The following EYA1 variants were observed in gnomAD, a reference collection of about 807,000 sequenced individuals.
EYA1 encodes the protein protein phosphatase EYA1.
A neutral mutation model predicts 82.0 loss-of-function variants in EYA1; 16 were observed. That is an observed-to-expected ratio of 0.20 (90% CI 0.13 to 0.30). The LOEUF (loss-of-function observed/expected upper bound fraction) is 0.30, where lower values mean the gene tolerates loss of function less well. EYA1 is among the 10% of genes least tolerant of loss of function. EYA1 has a pLI of 1.00. For synonymous variants in EYA1, 261 were observed against 264.4 expected (o/e 0.99, Z 0.12); for missense variants, 633 against 730.7 (o/e 0.87, Z 1.54).
intron 9 of EYA1, among the ~76,000 whole-genome samples, chr8:71,280,375 T>G (rs1383650339): frequency 6.6e-6 from 1 of 152,198 alleles, no homozygotes; most frequent in Non-Finnish European, 1.5e-5. Flanking sequence ...CAATGAACAC[T>G]TAGATTTTCT....
chr8:71,266,564 G>C (rs1444635586), intron 11 of EYA1, among the ~76,000 whole-genome samples: 1 of 152,144 alleles, frequency 6.6e-6, no homozygotes, highest in African/African-American at 2.4e-5. Flanking sequence ...GACACCTCCA[G>C]GCAATGAGAC....
At chr8:71,386,510 G>A (rs1828973604) in intron 2 of EYA1, among the ~76,000 whole-genome samples, 1 of 152,150 alleles carries the variant, frequency 6.6e-6, no homozygotes, top group Non-Finnish European at 1.5e-5. Flanking sequence ...ACACTGTATG[G>A]ACCAACATTG....
At chr8:71,242,773 CTTTTTTTT>C (rs35413533) in intron 12 of EYA1, among the ~76,000 whole-genome samples, 3 of 117,656 alleles carry the variant, frequency 2.5e-5, no homozygotes, top group Admixed American at 8.8e-5. Flanking sequence ...AGTTTTGGCA[CTTTTTTTT>C]TTTTTTTTTT....
chr8:71,256,426 T>C (rs1285092883), intron 11 of EYA1, among the ~76,000 whole-genome samples: 1 of 152,160 alleles, frequency 6.6e-6, no homozygotes, highest in Non-Finnish European at 1.5e-5. Context: ...CTTGAGGACC[T>C]TGTCCTGAGT....
At chr8:71,219,187 C>T (rs959286746) in intron 12 of EYA1, among the ~76,000 whole-genome samples, 5 of 152,116 alleles carry the variant, frequency 3.3e-5, no homozygotes, top group Admixed American at 1.3e-4. Flanking sequence ...ACGTTTTGTT[C>T]CCAGGCTGAG....
intron 7 of EYA1, 126 bp from the exon 8 acceptor site, chr8:71,299,846 T>C: frequency 1.5e-6 from 1 of 678,972 alleles, no homozygotes. Flanking sequence ...TCTGTTGTCA[T>C]GTCTAAAATG....
At chr8:71,243,155 A>G (rs1196048909) in intron 12 of EYA1, among the ~76,000 whole-genome samples, 6 of 152,222 alleles carry the variant, frequency 3.9e-5, no homozygotes, top group Non-Finnish European at 8.8e-5. Context: ...GATGTTTGTT[A>G]TTAACACCTA....
At chr8:71,448,820 T>C (rs538065214) in intron 2 of EYA1, 2 of 166,324 alleles carry the variant, frequency 1.2e-5, no homozygotes, top group South Asian at 1.9e-4. Flanking sequence ...TAAAAAGTGT[T>C]TCCTTTCCTA....
chr8:71,410,059 T>A (rs895181150), intron 2 of EYA1, among the ~76,000 whole-genome samples: 45 of 152,108 alleles, frequency 3.0e-4, no homozygotes, highest in African/African-American at 1.1e-3. Context: ...GGGTTCAATA[T>A]AAGGCTGGTT....
chr8:71,276,816 G>A (rs1052024731), intron 9 of EYA1, among the ~76,000 whole-genome samples: 6 of 152,116 alleles, frequency 3.9e-5, no homozygotes, highest in Non-Finnish European at 7.3e-5. Flanking sequence ...TTTGACTCTT[G>A]ACTGTACTAC....
chr8:71,433,058 A>G (rs1805740641), intron 2 of EYA1, among the ~76,000 whole-genome samples: 1 of 152,216 alleles, frequency 6.6e-6, no homozygotes, highest in African/African-American at 2.4e-5. Flanking sequence ...ACAGGCTACT[A>G]CTAGGATGCC....
At chr8:71,465,284 G>A (rs1384650755) in intron 2 of EYA1, among the ~76,000 whole-genome samples, 3 of 152,102 alleles carry the variant, frequency 2.0e-5, no homozygotes, top group Admixed American at 6.5e-5. Flanking sequence ...CTTATACAAC[G>A]CAAACAAGAT....
At chr8:71,211,870 G>A (rs866703547) in intron 16 of EYA1, among the ~76,000 whole-genome samples, 23 of 152,298 alleles carry the variant, frequency 1.5e-4, no homozygotes, top group South Asian at 4.1e-4. Context: ...GATAATTTGA[G>A]GTAGTGCAGC....
At chr8:71,538,037 GCCGTGGACTTTATTTACAAAT>G (rs1331085307) in intron 1 of EYA1, among the ~76,000 whole-genome samples, 2 of 152,206 alleles carry the variant, frequency 1.3e-5, no homozygotes, top group Non-Finnish European at 2.9e-5. Context: ...ATCACAGCGA[GCCGTGGACTTTATTTACAAAT>G]CCTCCAGTGC....
chr8:71,419,700 T>C (rs1831040870), intron 2 of EYA1, among the ~76,000 whole-genome samples: 1 of 152,166 alleles, frequency 6.6e-6, no homozygotes, highest in Non-Finnish European at 1.5e-5. Context: ...AGCATTTAGA[T>C]ATTACTAATA....
chr8:71,384,146 T>C lies in EYA1; in HGVS notation c.34-27635A>G, dbSNP rs974970744. Among the ~76,000 whole-genome samples the C allele has an allele frequency of 2.6e-5, 4 of 152,310 alleles. No homozygotes were observed. The East Asian group carries it at 5.8e-4, about 22-fold the overall frequency. On this transcript the variant is annotated intron_variant, in intron 2 of 18. Coordinates refer to the EYA1 transcript ENST00000643681. ...TCCTAACCTCACTAAGAGGTAAGTT[T>C]AGACCTCTGATGATACACTATCTGA... is the stretch of plus-strand genomic sequence containing the variant.
At position 71,215,599 on chromosome 8, in the gene EYA1, C is replaced by A. The variant is rs373917012; in HGVS notation, c.1475+15G>T. 129 of 1,612,160 alleles carry A rather than the reference C, an allele frequency of 8.0e-5. No individual in the cohort carries two copies. Among genetic ancestry groups the A allele is most frequent in the Non-Finnish European group, 1.0e-4 (120 of 1,178,348 alleles). On this transcript the variant is annotated intron_variant, in intron 15 of 17. Transcript: ENST00000340726. ...ATTGCCCATTTCCTGGCAAAGACCC[C>A]GCAGAGAGCCTCACCGGGAGTGAAT...
chr8:71,299,535 G>A (rs1176045841), intron 8 of EYA1, 103 bp downstream of exon 8: 1 of 800,466 alleles, frequency 1.2e-6, no homozygotes, highest in Non-Finnish European at 2.2e-6. Context: ...ACTACTAAAA[G>A]CCTTAGGAAA....
intron 1 of EYA1, among the ~76,000 whole-genome samples, chr8:71,545,558 CTTTTTTTTTTTT>C (rs34093503): frequency 1.0e-5 from 1 of 100,322 alleles, no homozygotes; most frequent in Non-Finnish European, 1.9e-5. Flanking sequence ...TATTTTGTTC[CTTTTTTTTTTTT>C]TTTTTTTTTG....
Sources: allele counts gnomAD v4.1 joint callset (sites outside exome capture counted in the v4.1 genomes callset), GRCh38; gene constraint gnomAD v4.1.1; transcripts MANE v1.5; gene names NCBI Gene and HGNC (gene_info 2026-07-23, HGNC 2026-07-21).